The following INSRR variants were observed in gnomAD, a reference collection of about 807,000 sequenced individuals.
INSRR encodes the protein insulin receptor-related protein.
INSRR carries 114 observed loss-of-function variants against 130.0 expected under a neutral mutation model. The observed-to-expected ratio is 0.88, with a 90% CI of 0.75 to 1.02. The LOEUF (loss-of-function observed/expected upper bound fraction) is 1.02. INSRR is among the 50% of genes least tolerant of loss of function. The pLI is 0.00. For missense variants in INSRR, 1,657 were observed against 1,735.2 expected (o/e 0.95, Z 0.80); for synonymous variants, 674 against 705.2 (o/e 0.96, Z 0.70).
chr1:156,844,303 G>A (rs146924588), intron 14 of INSRR, 23 bp from the exon 15 acceptor site: 1 of 1,596,714 alleles, frequency 6.3e-7, no homozygotes, highest in African/African-American at 1.3e-5. Flanking sequence ...GGGCAGCAGA[G>A]GGTAGAGTCA....
Position 156,844,717 on chromosome 1 carries a change from C to T in INSRR, c.2564G>A (p.Arg855His). 6.2e-7 allele frequency: 1 copy of T among 1,614,068 alleles called. No individual in the cohort carries two copies. The part of the protein sequence containing the change: ...LILKYEIKYR[R>H]LGEEATVLCV... ...CCCACGGGCACCTACCTCTCCCAAGCGGCGGTACTTGATTTCGTACTTGAG... is the reference window on the plus strand; with the variant it reads ...CCCACGGGCACCTACCTCTCCCAAGTGGCGGTACTTGATTTCGTACTTGAG... The change falls in exon 13 of 22, where the codon CGC becomes CAC. Residue 855 changes from arginine (R) to histidine (H), a missense_variant. Transcript: ENST00000368195.
intron 5 of INSRR, among the ~76,000 whole-genome samples, chr1:156,850,975 A>T (rs1030498776): frequency 2.0e-5 from 3 of 152,218 alleles, no homozygotes; most frequent in African/African-American, 7.2e-5. Context: ...CCAGATGATG[A>T]CAATTATAGC....
At chr1:156,849,068 G>T (rs2102863266) in intron 6 of INSRR, 21 bp from the exon 7 acceptor site, 1 of 1,606,248 alleles carries the variant, frequency 6.2e-7, no homozygotes. Context: ...CGAGGGGCCT[G>T]CTCGCAACCG....
chr1:156,844,348 C>T, intron 14 of INSRR, 68 bp from the exon 15 acceptor site: 24 of 1,555,526 alleles, frequency 1.5e-5, no homozygotes, highest in Non-Finnish European at 1.9e-5. Context: ...TCATGCTTCT[C>T]TTTCCATGCT....
At chr1:156,850,237 A>G (rs1447299661) in intron 5 of INSRR, among the ~76,000 whole-genome samples, 1 of 151,702 alleles carries the variant, frequency 6.6e-6, no homozygotes, top group Admixed American at 6.6e-5. Context: ...TTTGAGCTGG[A>G]GTCTCCCTCT....
intron 7 of INSRR, among the ~76,000 whole-genome samples, chr1:156,848,136 C>A (rs1023322030): frequency 6.6e-6 from 1 of 152,164 alleles, no homozygotes; most frequent in African/African-American, 2.4e-5. Context: ...CTTCACCTAC[C>A]ACTGAGACCT....
At position 156,845,423 on chromosome 1, in the gene INSRR, C is replaced by T. The variant is rs1480914624; in HGVS notation, c.2175-10G>A. 6.5e-7 allele frequency: 1 copy of T among 1,542,430 alleles called. No homozygotes were observed. Among genetic ancestry groups the T allele is most frequent in the African/African-American group, 1.4e-5 (1 of 73,030 alleles). The stretch of plus-strand genomic sequence containing the variant: ...CACCTTCCAAGGGGATCTGGGGAGG[C>T]CAGGAGTAGCCCTATCAGGCCTGTC... On this transcript the variant is annotated splice_polypyrimidine_tract_variant and intron_variant, in intron 10 of 21. Coordinates refer to ENST00000368195, the MANE Select transcript of INSRR (RefSeq NM_014215.3).
chr1:156,845,883 G>T, intron 9 of INSRR, 69 bp from the exon 10 acceptor site: 1 of 1,597,374 alleles, frequency 6.3e-7, no homozygotes. Flanking sequence ...CCCACCTGCC[G>T]GGGCCCTGCG....
In INSRR at chr1:156,844,564, C is replaced by T; in HGVS notation, c.2635G>A (p.Ala879Thr). Residue 879 changes from alanine (A) to threonine (T), a missense_variant, in exon 14 of 22, where the codon GCC becomes ACC. Ala to Thr is a moderately conservative substitution (Grantham distance 58). Coordinates refer to ENST00000368195, the MANE Select transcript of INSRR (RefSeq NM_014215.3). ...RYAKFGGVHL[A>T]LLPPGNYSAR... The stretch of plus-strand genomic sequence containing the variant: ...GAGTAGTTTCCAGGGGGCAGCAGGG[C>T]CAGGTGGACTCCCCCAAACTTCGCA... The T allele has an allele frequency of 6.2e-7, 1 of 1,614,158 alleles. No individual in the cohort carries two copies. The highest frequency in any genetic ancestry group is 8.5e-7 in the Non-Finnish European group (1 of 1,180,026).
chr1:156,858,561 C>A lies in INSRR; in HGVS notation c.61G>T (p.Gly21Ter), dbSNP rs1434491824. The change falls in exon 1 of 22, where the codon GGA becomes TGA. Residue 21 changes from glycine (G) to a stop codon, truncating the protein, a stop_gained. Coordinates refer to ENST00000368195, the MANE Select transcript of INSRR (RefSeq NM_014215.3). LOFTEE classifies it high-confidence loss of function. The part of the protein sequence containing the change: ...ACLPVIFLSL[G>*]FGLDTVEVCP... ...CCCTCTACTGTATCCAGGCCAAATC[C>A]CAAGGAGAGGAAGATCACAGGCAGG... The A allele has an allele frequency of 6.2e-7, 1 of 1,613,934 alleles. No individual in the cohort carries two copies.
intron 5 of INSRR, among the ~76,000 whole-genome samples, chr1:156,849,743 C>T (rs1024290411): frequency 1.3e-5 from 2 of 152,006 alleles, no homozygotes; most frequent in Non-Finnish European, 2.9e-5. Flanking sequence ...TCTCTTTGAA[C>T]TGAGCACCTG....
intron 8 of INSRR, 145 bp from the exon 9 acceptor site, chr1:156,846,264 G>A: frequency 1.1e-6 from 1 of 931,092 alleles, no homozygotes; most frequent in Non-Finnish European, 1.6e-6. Context: ...AGAACTCAGT[G>A]TTTTGTTTCT....
Position 156,853,766 on chromosome 1 carries a change from C to A in INSRR, c.623G>T (p.Ser208Ile). 6.2e-7 allele frequency: 1 copy of A among 1,600,488 alleles called. No individual in the cohort carries two copies. The highest frequency in any genetic ancestry group is 8.5e-7 in the Non-Finnish European group (1 of 1,169,616). The change falls in exon 2 of 22, where the codon AGC (serine) becomes ATC (isoleucine). Residue 208 changes from serine to isoleucine, a missense_variant. Ser to Ile is a moderately radical substitution (Grantham distance 142, BLOSUM62 -2). Transcript: ENST00000368195. ...GHTDYRCWTS[S>I]HCQRVCPCPH... ...CCAGTGCCCACCTCTCTGGCAGTGG[C>A]TGGAGGTCCAGCATCTGTAGTCAGT...
Position 156,841,725 on chromosome 1 carries a change from A to C in INSRR, c.3467T>G (p.Val1156Gly). The change falls in exon 20 of 22, where the codon GTG (valine) becomes GGG (glycine). Residue 1156 changes from valine to glycine, a missense_variant. Val to Gly is a moderately radical substitution (Grantham distance 109, BLOSUM62 -3). Coordinates refer to ENST00000368195, the MANE Select transcript of INSRR (RefSeq NM_014215.3). ...GAGGGACTCGGGGGCCATCCAGCGC[A>C]CGGGCAGCAGCCCCTTCCCACCCTT... ...YRKGGKGLLPVRWMAPESLKD... is the reference protein window; with the variant it reads ...YRKGGKGLLPGRWMAPESLKD... The C allele has an allele frequency of 6.2e-7, 1 of 1,614,068 alleles. No individual in the cohort carries two copies.
At chr1:156,856,349 C>G (rs551426822) in intron 1 of INSRR, among the ~76,000 whole-genome samples, 2 of 152,262 alleles carry the variant, frequency 1.3e-5, no homozygotes, top group South Asian at 4.1e-4. Flanking sequence ...CTGAGCTTTG[C>G]AGGTCCCATG....
In INSRR at chr1:156,851,987, G is replaced by GCACAGCGCTCAGCTGTGA; in HGVS notation, c.824_841dup (p.Val275_Cys280dup). 1.2e-6 allele frequency: 2 copies of GCACAGCGCTCAGCTGTGA among 1,611,054 alleles called. No homozygotes were observed. The highest frequency in any genetic ancestry group is 1.1e-5 in the South Asian group (1 of 91,016). On this transcript the variant is annotated inframe_insertion, in exon 3 of 22. Transcript: ENST00000368195. ...ACGGCCGGGCACAGAGTGCAGGCTGGCACAGCGCTCAGCTGTGACACAGCG... is the reference window on the plus strand; with the variant it reads ...ACGGCCGGGCACAGAGTGCAGGCTGGCACAGCGCTCAGCTGTGACACAGCGCTCAGCTGTGACACAGCG...
intron 12 of INSRR, 31 bp downstream of exon 12, chr1:156,845,045 G>C (rs1654940311): frequency 5.1e-6 from 8 of 1,580,500 alleles, no homozygotes; most frequent in Non-Finnish European, 6.9e-6. Context: ...GTCGGTGATG[G>C]GGGTAGAAGG....
intron 5 of INSRR, among the ~76,000 whole-genome samples, 199 bp from the exon 6 acceptor site, chr1:156,849,659 G>A (rs1049097301): frequency 6.6e-6 from 1 of 152,156 alleles, no homozygotes; most frequent in Non-Finnish European, 1.5e-5. Flanking sequence ...TGTCTGCCAA[G>A]TCACCCCATC....
chr1:156,849,999 C>T (rs1655145988), intron 5 of INSRR, among the ~76,000 whole-genome samples: 2 of 151,944 alleles, frequency 1.3e-5, no homozygotes, highest in African/African-American at 2.4e-5. Flanking sequence ...ACCTCCCGGG[C>T]TCAGGTGATC....
Sources: gnomAD v4.1 joint callset for allele counts (sites outside exome capture counted in the v4.1 genomes callset) on GRCh38, gnomAD v4.1.1 for gene constraint, MANE v1.5 for transcripts, NCBI Gene and HGNC (gene_info 2026-07-23, HGNC 2026-07-21) for gene names.